PRDM10: variants seen among roughly 807,000 people sequenced by gnomAD.
PRDM10 encodes PR domain zinc finger protein 10.
PRDM10 carries 65 observed loss-of-function variants against 133.1 expected under a neutral mutation model. The ratio of observed to expected loss-of-function variants is 0.49; its 90% CI spans 0.40 to 0.60. The LOEUF (loss-of-function observed/expected upper bound fraction) is 0.60, where lower values mean the gene tolerates loss of function less well. Ranked by LOEUF, PRDM10 falls within the 20% of genes least tolerant of loss-of-function variation. The pLI is 0.00. For synonymous variants in PRDM10, 582 were observed against 580.4 expected (o/e 1.00, Z -0.04); for missense variants, 1,137 against 1,507.1 (o/e 0.75, Z 4.07).
chr11:129,988,497 G>A (rs1256341470), intron 1 of PRDM10, among the ~76,000 whole-genome samples: 2 of 151,800 alleles, frequency 1.3e-5, no homozygotes, highest in African/African-American at 4.8e-5. Context: ...CTCCCAAAGT[G>A]CTGGGATTAC....
intron 17 of PRDM10, among the ~76,000 whole-genome samples, chr11:129,912,831 G>A (rs1414706830): frequency 1.3e-5 from 2 of 151,508 alleles, no homozygotes; most frequent in Admixed American, 1.3e-4. Flanking sequence ...AGGCTGAGGC[G>A]GGGGGATCAC....
At chr11:129,999,474 G>A (rs1939228528) in intron 1 of PRDM10, among the ~76,000 whole-genome samples, 1 of 152,180 alleles carries the variant, frequency 6.6e-6, no homozygotes, top group Non-Finnish European at 1.5e-5. Context: ...GACTGGGTGT[G>A]GCTACACTAT....
At chr11:129,977,294 A>G (rs1937819970) in intron 1 of PRDM10, among the ~76,000 whole-genome samples, 1 of 149,504 alleles carries the variant, frequency 6.7e-6, no homozygotes, top group African/African-American at 2.5e-5. Flanking sequence ...ACACACACAC[A>G]CACACATTGA....
intron 1 of PRDM10, among the ~76,000 whole-genome samples, chr11:130,001,026 G>C (rs1392063222): frequency 6.6e-6 from 1 of 152,142 alleles, no homozygotes; most frequent in East Asian, 1.9e-4. Context: ...AGGATCCCTT[G>C]AGCCCGGGAG....
intron 1 of PRDM10, among the ~76,000 whole-genome samples, chr11:129,972,992 GT>G (rs1427662923): frequency 6.6e-6 from 1 of 152,070 alleles, no homozygotes; most frequent in Non-Finnish European, 1.5e-5. Flanking sequence ...TTACAAAAAT[GT>G]TTTTCACTTT....
At chr11:129,967,910 A>C (rs1951940305) in intron 1 of PRDM10, among the ~76,000 whole-genome samples, 1 of 152,078 alleles carries the variant, frequency 6.6e-6, no homozygotes, top group Non-Finnish European at 1.5e-5. Context: ...TTCACCCCAC[A>C]GCCCTACCCA....
intron 1 of PRDM10, among the ~76,000 whole-genome samples, chr11:129,980,865 T>G (rs113129530): frequency 1.8e-4 from 18 of 100,362 alleles, no homozygotes; most frequent in African/African-American, 5.2e-4. Flanking sequence ...TTTCTGGTTT[T>G]TTTTTTTTTT....
intron 9 of PRDM10, among the ~76,000 whole-genome samples, chr11:129,934,045 C>T (rs570548670): frequency 3.0e-4 from 45 of 152,316 alleles, no homozygotes; most frequent in African/African-American, 9.1e-4. Context: ...CCACAGCATA[C>T]GCTCCAAGGT....
intron 1 of PRDM10, among the ~76,000 whole-genome samples, chr11:129,969,095 C>T (rs1056355602): frequency 1.3e-5 from 2 of 152,180 alleles, no homozygotes; most frequent in African/African-American, 4.8e-5. Context: ...AGGAAGCTTC[C>T]TCTAGGGGAA....
At chr11:129,926,403 A>T (rs548282107) in intron 11 of PRDM10, among the ~76,000 whole-genome samples, 2 of 152,116 alleles carry the variant, frequency 1.3e-5, no homozygotes, top group African/African-American at 2.4e-5. Flanking sequence ...CAAGGGGGGG[A>T]AATCCTTCAA....
At chr11:129,997,565 G>C (rs2136009007) in intron 1 of PRDM10, among the ~76,000 whole-genome samples, 1 of 152,274 alleles carries the variant, frequency 6.6e-6, no homozygotes, top group South Asian at 2.1e-4. Flanking sequence ...AAAGTATTGT[G>C]GTCTTTTTCT....
In PRDM10 at chr11:130,002,811, C is replaced by G. The variant is rs537101719; in HGVS notation, c.-208G>C. The G allele has an allele frequency of 1.1e-3, 232 of 207,110 alleles. 3 individuals are homozygous for G. The highest frequency in any genetic ancestry group is 1.8e-3 in the South Asian group (34 of 19,376). 12.8% of individuals were successfully genotyped at this position (207,110 alleles called of 1,614,324 possible). A position where few individuals can be genotyped will look rare whatever the true frequency, so the allele number is the denominator to read the frequency against. ...AGAAATCAACCCCCCCCGCCACCTC[C>G]AGGTGGTTCTTCCCGCCGCAGAGTG... On this transcript the variant is annotated 5_prime_UTR_variant, in exon 1 of 21. Transcript: ENST00000360871.
chr11:129,942,475 T>C lies in PRDM10; in HGVS notation c.917A>G (p.His306Arg). Residue 306 changes from histidine to arginine, a missense_variant, in exon 7 of 21, where the codon CAT (histidine) becomes CGT (arginine). Coordinates refer to ENST00000360871, the MANE Select transcript of PRDM10 (RefSeq NM_199437.2). Reference sequence around the variant, plus strand: ...ATTTTTTATGGTTGTATAATACACATGGTGGCCATACTGGTAAGCCACCAG... The same window carrying C: ...ATTTTTTATGGTTGTATAATACACACGGTGGCCATACTGGTAAGCCACCAG... The part of the protein sequence containing the change: ...QNLVAYQYGH[H>R]VYYTTIKNVE... 1 of 1,614,164 alleles carries C rather than the reference T, an allele frequency of 6.2e-7. No individual in the cohort carries two copies. The highest frequency in any genetic ancestry group is 8.5e-7 in the Non-Finnish European group (1 of 1,180,044).
At chr11:129,956,029 G>A (rs551287252) in intron 3 of PRDM10, among the ~76,000 whole-genome samples, 1 of 152,242 alleles carries the variant, frequency 6.6e-6, no homozygotes, top group East Asian at 1.9e-4. Context: ...TATTTCAAAT[G>A]TAAGTGCATG....
At chr11:129,942,268 C>T (rs928386772) in intron 7 of PRDM10, among the ~76,000 whole-genome samples, 158 bp downstream of exon 7, 8 of 152,108 alleles carry the variant, frequency 5.3e-5, no homozygotes, top group Non-Finnish European at 1.2e-4. Context: ...ACAGTGTGTA[C>T]TACATGGTAG....
chr11:129,949,246 C>G (rs535213417), intron 4 of PRDM10, among the ~76,000 whole-genome samples: 1 of 152,322 alleles, frequency 6.6e-6, no homozygotes, highest in Admixed American at 6.5e-5. Flanking sequence ...TGCCCCACCC[C>G]TTAGCAAGTT....
rs200453898 is a variant in PRDM10, at chr11:129,931,571, A to ATTT, written c.1288-316_1288-314dup. ...TATTTATTTATTTTTATTTTATTTT[A>ATTT]TTTTATTTTTTTTTTGAGACGGAGT... On this transcript the variant is annotated intron_variant, in intron 10 of 20. Transcript: ENST00000360871. Among the ~76,000 whole-genome samples, 236 of 135,506 alleles carry ATTT rather than the reference A, an allele frequency of 1.7e-3. 3 individuals carry two copies. Among genetic ancestry groups the ATTT allele is most frequent in the Non-Finnish European group, 1.9e-3 (120 of 62,102 alleles). The allele number at this position is 135,506 out of a possible 152,430, so 88.9% of individuals were successfully genotyped here. A position where few individuals can be genotyped will look rare whatever the true frequency, so the allele number is the denominator to read the frequency against.
intron 4 of PRDM10, among the ~76,000 whole-genome samples, chr11:129,952,197 G>A (rs1565492108): frequency 6.6e-6 from 1 of 152,168 alleles, no homozygotes; most frequent in Non-Finnish European, 1.5e-5. Flanking sequence ...GATTGGAAAA[G>A]ATGAAGGGCC....
intron 1 of PRDM10, among the ~76,000 whole-genome samples, chr11:129,971,196 C>CA (rs1157085889): frequency 6.6e-6 from 1 of 152,096 alleles, no homozygotes; most frequent in Non-Finnish European, 1.5e-5. Flanking sequence ...AGAGCAGTAG[C>CA]AAAATATATT....
Sources: gnomAD v4.1 joint callset for allele counts (sites outside exome capture counted in the v4.1 genomes callset) on GRCh38, gnomAD v4.1.1 for gene constraint, MANE v1.5 for transcripts, NCBI Gene and HGNC (gene_info 2026-07-23, HGNC 2026-07-21) for gene names.